BTG4: variants seen among roughly 807,000 people sequenced by gnomAD.
BTG4 encodes the protein BTG anti-proliferation factor 4, also known as protein BTG4.
Under a neutral mutation model 19.3 loss-of-function variants are expected in BTG4, and 10 were observed. That is an observed-to-expected ratio of 0.52 (90% CI 0.32 to 0.88). The LOEUF is 0.88. BTG4 is among the 40% of genes least tolerant of loss of function. BTG4 has a pLI of 0.04. For missense variants in BTG4, 238 were observed against 281.9 expected, an observed-to-expected ratio of 0.84 and a Z score of 1.11; for synonymous variants, 91 against 95.7, an observed-to-expected ratio of 0.95 and a Z score of 0.29.
chr11:111,490,717 C>A (rs938833677), downstream of BTG4, among the ~76,000 whole-genome samples: 2 of 152,164 alleles, frequency 1.3e-5, no homozygotes, highest in African/African-American at 4.8e-5. Context: ...CTAAGATACC[C>A]TACACACCCA....
the BTG4 span, chr11:111,417,094 A>G: frequency 6.6e-6 from 1 of 152,158 alleles, no homozygotes; most frequent in Non-Finnish European, 1.5e-5. Flanking sequence ...GCTGATGACT[A>G]ATATTTTGTA....
chr11:111,391,911 T>C, the BTG4 span, among the ~76,000 whole-genome samples: 1 of 152,120 alleles, frequency 6.6e-6, no homozygotes, highest in Non-Finnish European at 1.5e-5. Flanking sequence ...CCACAGATGA[T>C]CCCAAGCCAC....
chr11:111,384,863 TTTATA>T, the BTG4 span: 1 of 152,126 alleles, frequency 6.6e-6, no homozygotes, highest in African/African-American at 2.4e-5. Context: ...GAGAACACCA[TTTATA>T]TTATATTTAA....
At chr11:111,500,994 T>C (rs948688404) in intron 1 of BTG4, among the ~76,000 whole-genome samples, 1 of 152,064 alleles carries the variant, frequency 6.6e-6, no homozygotes, top group Admixed American at 6.6e-5. Context: ...CTTGGGCAAC[T>C]TAATTTTCTG....
chr11:111,513,665 A>G (rs970980792), upstream of BTG4: 17 of 357,560 alleles, frequency 4.8e-5, no homozygotes, highest in South Asian at 1.9e-4. Context: ...CAATGTATGT[A>G]ATGTGTATGT....
chr11:111,401,356 C>T, the BTG4 span, among the ~76,000 whole-genome samples: 1 of 150,164 alleles, frequency 6.7e-6, no homozygotes, highest in African/African-American at 2.4e-5. Context: ...GGTGGAGGCG[C>T]CTGTAGTCCC....
Position 111,512,295 on chromosome 11 carries a change from G to A in BTG4, c.-141C>T, listed in dbSNP as rs1867004300. 6.6e-6 allele frequency: 1 copy of A among 152,242 alleles called. No individual in the cohort carries two copies. The highest frequency in any genetic ancestry group is 2.1e-4 in the South Asian group (1 of 4,830). The allele number at this position is 152,242 out of a possible 1,614,324, so 9.4% of individuals were successfully genotyped here. On this transcript the variant is annotated 5_prime_UTR_variant, in exon 1 of 5. Transcript: ENST00000692032. ...TGTCCCTCCTGCTAGATCAGAAAGA[G>A]AAACGTCTCAAGAATCTGGGCCTCC... is the stretch of plus-strand genomic sequence containing the variant.
At chr11:111,390,953 T>C in the BTG4 span, among the ~76,000 whole-genome samples, 2 of 152,254 alleles carry the variant, frequency 1.3e-5, no homozygotes, top group Admixed American at 1.3e-4. Context: ...GCCCAATTTA[T>C]TAAATGATGC....
intron 5 of BTG4, among the ~76,000 whole-genome samples, chr11:111,477,841 A>C (rs1352484450): frequency 6.6e-6 from 1 of 152,110 alleles, no homozygotes; most frequent in Admixed American, 6.6e-5. Flanking sequence ...TAAATCCTAT[A>C]AACTAACAAA....
the BTG4 span, among the ~76,000 whole-genome samples, chr11:111,448,913 A>C: frequency 2.0e-5 from 3 of 152,196 alleles, no homozygotes; most frequent in Non-Finnish European, 4.4e-5. Context: ...CTAAAATTCA[A>C]ATTTAACTGG....
the BTG4 span, among the ~76,000 whole-genome samples, chr11:111,430,084 C>T: frequency 3.9e-5 from 6 of 152,232 alleles, no homozygotes; most frequent in African/African-American, 1.4e-4. Context: ...TGTTGTTAAC[C>T]CAAAATATCG....
intron 5 of BTG4, among the ~76,000 whole-genome samples, chr11:111,476,135 T>TACACACACACACACACACACACACACAC (rs55989357): frequency 3.7e-4 from 55 of 148,846 alleles, no homozygotes; most frequent in African/African-American, 1.3e-3. Context: ...CCAGAATAGA[T>TACACACACACACACACACACACACACAC]ACACACACAC....
the BTG4 span, among the ~76,000 whole-genome samples, chr11:111,445,163 C>T: frequency 6.6e-6 from 1 of 152,198 alleles, no homozygotes; most frequent in African/African-American, 2.4e-5. Flanking sequence ...TGCCCTCATT[C>T]TGCCATCAAC....
chr11:111,403,807 T>C, the BTG4 span, among the ~76,000 whole-genome samples: 2 of 152,172 alleles, frequency 1.3e-5, no homozygotes, highest in East Asian at 1.9e-4. Flanking sequence ...ATTGGTGATA[T>C]TGATGGTAAT....
chr11:111,460,617 C>T, the BTG4 span, among the ~76,000 whole-genome samples: 95 of 152,146 alleles, frequency 6.2e-4, no homozygotes, highest in African/African-American at 2.2e-3. Flanking sequence ...AGGTAATGCA[C>T]GCAGCAGAGA....
chr11:111,479,156 G>A (rs1034476943), intron 5 of BTG4, among the ~76,000 whole-genome samples: 5 of 152,022 alleles, frequency 3.3e-5, no homozygotes, highest in Admixed American at 6.6e-5. Flanking sequence ...AAAACAACTG[G>A]AATGACAGCA....
the BTG4 span, among the ~76,000 whole-genome samples, chr11:111,454,649 G>C: frequency 6.6e-6 from 1 of 152,196 alleles, no homozygotes; most frequent in Non-Finnish European, 1.5e-5. Flanking sequence ...GTCCTCGGTA[G>C]CCCAACTAGG....
chr11:111,397,157 G>C, the BTG4 span: 1 of 152,170 alleles, frequency 6.6e-6, no homozygotes, highest in Non-Finnish European at 1.5e-5. Context: ...CCCATCTCCT[G>C]ACTGTCTCCA....
chr11:111,435,731 T>C, the BTG4 span, among the ~76,000 whole-genome samples: 1 of 152,130 alleles, frequency 6.6e-6, no homozygotes, highest in African/African-American at 2.4e-5. Context: ...GGAAGATCTA[T>C]AGCCCAGCCC....
Sources: allele counts gnomAD v4.1 joint callset (sites outside exome capture counted in the v4.1 genomes callset), GRCh38; gene constraint gnomAD v4.1.1; transcripts MANE v1.5; gene names NCBI Gene and HGNC (gene_info 2026-07-23, HGNC 2026-07-21).